The following KIF1C variants were observed in gnomAD, a reference collection of about 807,000 sequenced individuals.
The protein encoded by KIF1C is kinesin-like protein KIF1C.
In KIF1C, 61 loss-of-function variants were observed where a neutral mutation model predicts 126.5. The observed-to-expected ratio is 0.48, with a 90% confidence interval of 0.39 to 0.60. The LOEUF (loss-of-function observed/expected upper bound fraction) is 0.60. KIF1C is among the 20% of genes least tolerant of loss of function. KIF1C has a pLI of 0.00. For synonymous variants in KIF1C, 640 were observed against 580.6 expected, an observed-to-expected ratio of 1.10 and a Z score of -1.47; for missense variants, 1,315 against 1,489.2, an observed-to-expected ratio of 0.88 and a Z score of 1.93.
At position 5,023,665 on chromosome 17, in the gene KIF1C, C is replaced by T. The variant is rs760202086; in HGVS notation, c.2826C>T (p.Leu942=). The change falls in exon 23 of 23, where the codon CTC becomes CTT. Residue 942 remains leucine, a synonymous_variant. Transcript: ENST00000320785. The surrounding 1 kb of genome is among the most constrained non-coding windows in gnomAD (Gnocchi z 4.2). The part of the protein sequence containing the change: ...PAFRRGRLRW[L]KQEQLRLQGL... ...TCCGTCGTGGTCGTCTTCGCTGGCTCAAGCAGGAGCAGCTACGGCTGCAGG... is the reference window on the plus strand; with the variant it reads ...TCCGTCGTGGTCGTCTTCGCTGGCTTAAGCAGGAGCAGCTACGGCTGCAGG... 4 of 1,609,736 alleles carry T rather than the reference C, an allele frequency of 2.5e-6. No individual in the cohort carries two copies. The highest frequency in any genetic ancestry group is 1.3e-5 in the African/African-American group (1 of 74,880).
rs185753135 is a variant in KIF1C at position 5,009,545 on chromosome 17, T to C, written c.1491+2003T>C. Among the ~76,000 whole-genome samples, 590 of 151,746 alleles carry C rather than the reference T, an allele frequency of 3.9e-3. 3 individuals carry two copies. Among genetic ancestry groups the C allele is most frequent in the Middle Eastern group, 6.8e-3 (2 of 294 alleles). ...GGCTCACACCTGTAATCCTAGCACTTTGGGAGGCCAAGGCGGGTGGATCAC... is the reference window on the plus strand; with the variant it reads ...GGCTCACACCTGTAATCCTAGCACTCTGGGAGGCCAAGGCGGGTGGATCAC... On this transcript the variant is annotated intron_variant, in intron 16 of 22. Coordinates refer to ENST00000320785, the MANE Select transcript of KIF1C (RefSeq NM_006612.6).
chr17:5,000,651 GAA>G, intron 3 of KIF1C, 119 bp from the exon 4 acceptor site: 2 of 933,654 alleles, frequency 2.1e-6, no homozygotes, highest in East Asian at 2.4e-5. Context: ...AAAGGGGAGA[GAA>G]GAGTCAGGAC....
At position 5,007,353 on chromosome 17, in the gene KIF1C, C is replaced by T. The variant is rs764960870; in HGVS notation, c.1415+11C>T. On this transcript the variant is annotated intron_variant, in intron 15 of 22. Transcript: ENST00000320785. ...CCTGAGGATGGAGAGGTGTGAGGGC[C>T]GACAGTTGGGGTCCTGGGTGGAGTT... 57 of 1,613,108 alleles carry T rather than the reference C, an allele frequency of 3.5e-5. No individual in the cohort carries two copies. In the South Asian group the frequency reaches 5.3e-4, roughly 15 times the overall value.
intron 18 of KIF1C, among the ~76,000 whole-genome samples, chr17:5,016,891 G>A (rs1974982297): frequency 6.7e-6 from 1 of 148,540 alleles, no homozygotes; most frequent in African/African-American, 2.5e-5. Flanking sequence ...GGGTGACAGA[G>A]TGAGACTGTT....
At chr17:5,018,239 C>T (rs1238242663) in intron 18 of KIF1C, among the ~76,000 whole-genome samples, 1 of 152,140 alleles carries the variant, frequency 6.6e-6, no homozygotes, top group Non-Finnish European at 1.5e-5. Flanking sequence ...CCTCGGCCTC[C>T]CAAAGTGCTG....
Position 5,002,092 on chromosome 17 carries a change from A to G in KIF1C, c.397A>G (p.Asn133Asp). The change falls in exon 6 of 23, where the codon AAC (asparagine) becomes GAC (aspartate). Residue 133 changes from asparagine (N) to aspartate (D), a missense_variant. Physicochemically the swap from Asn to Asp is conservative, Grantham distance 23. Around this residue, in one of 2 missense-constraint regions of KIF1C, gnomAD observed 874 missense variants for 1,053.2 expected, o/e 0.83. Transcript: ENST00000320785. ...CEDLFSRVSENQSAQLSYSVE... is the reference protein window; with the variant it reads ...CEDLFSRVSEDQSAQLSYSVE... ...GGACCTCTTCTCTCGCGTTAGTGAGAACCAGAGTGCTCAGCTATCCTACTC... is the reference window on the plus strand; with the variant it reads ...GGACCTCTTCTCTCGCGTTAGTGAGGACCAGAGTGCTCAGCTATCCTACTC... 6.2e-7 allele frequency: 1 copy of G among 1,613,986 alleles called. No homozygotes were observed. Among genetic ancestry groups the G allele is most frequent in the Non-Finnish European group, 8.5e-7 (1 of 1,179,978 alleles).
At chr17:5,002,205 TA>T in intron 6 of KIF1C, 81 bp downstream of exon 6, 1 of 1,306,800 alleles carries the variant, frequency 7.7e-7, no homozygotes, top group Non-Finnish European at 1.1e-6. Context: ...GCCTGGGATC[TA>T]ATCCTGGCTC....
At position 5,023,844 on chromosome 17, in the gene KIF1C, C is replaced by T. The variant is rs143987985; in HGVS notation, c.3005C>T (p.Pro1002Leu). The T allele has an allele frequency of 1.4e-4, 220 of 1,519,042 alleles. 1 individual carries two copies. Among genetic ancestry groups the T allele is most frequent in the South Asian group, 5.0e-4 (38 of 75,762 alleles). 94.1% of individuals were successfully genotyped at this position (1,519,042 alleles called of 1,614,324 possible). A position where few individuals can be genotyped will look rare whatever the true frequency, so the allele number is the denominator to read the frequency against. Residue 1002 changes from proline to leucine, a missense_variant, in exon 23 of 23, where the codon CCG becomes CTG. Coordinates refer to ENST00000320785, the MANE Select transcript of KIF1C (RefSeq NM_006612.6). This position sits in a 1 kb window ranked among gnomAD's most constrained non-coding sequence, Gnocchi z 4.2. ...PGMGSGEAPT[P>L]LQPPEEVTPH... ...ATGGGGAGCGGGGAGGCTCCAACTC[C>T]GCTCCAACCCCCTGAGGAGGTCACT...
At chr17:5,002,181 G>A (rs2143311751) in intron 6 of KIF1C, 57 bp downstream of exon 6, 6 of 1,472,648 alleles carry the variant, frequency 4.1e-6, no homozygotes, top group East Asian at 2.3e-5. Flanking sequence ...GAGGGCTGTC[G>A]CTGGAATCAG....
intron 12 of KIF1C, 38 bp from the exon 13 acceptor site, chr17:5,004,817 C>T (rs1226956532): frequency 6.2e-7 from 1 of 1,613,174 alleles, no homozygotes; most frequent in Non-Finnish European, 8.5e-7. Flanking sequence ...GGGTCCCCTG[C>T]CCCCAGGCCT....
intron 18 of KIF1C, among the ~76,000 whole-genome samples, chr17:5,015,290 T>C (rs1974948972): frequency 6.7e-6 from 1 of 148,504 alleles, no homozygotes; most frequent in South Asian, 2.1e-4. Context: ...TTTCTTTTTC[T>C]TTTTTTTTTG....
Position 5,004,986 on chromosome 17 carries a change from C to T in KIF1C, c.1151C>T (p.Ala384Val), listed in dbSNP as rs368324220. 6.2e-7 allele frequency: 1 copy of T among 1,614,240 alleles called. No individual in the cohort carries two copies. The highest frequency in any genetic ancestry group is 1.3e-5 in the African/African-American group (1 of 75,070). Residue 384 changes from alanine to valine, a missense_variant, in exon 13 of 23, where the codon GCC becomes GTC. Ala to Val is a moderately conservative substitution (Grantham distance 64). Around this residue, in one of 2 missense-constraint regions of KIF1C, gnomAD observed 874 missense variants for 1,053.2 expected, o/e 0.83. Transcript: ENST00000320785. ...CTGCTGATGGCTCAGGGACTGTCAG[C>T]CTCTGCTCTGGAAGGTCGAGGTTCC... is the stretch of plus-strand genomic sequence containing the variant. ...RELLMAQGLSASALEGLKTEE... is the reference protein window; with the variant it reads ...RELLMAQGLSVSALEGLKTEE...
At chr17:5,021,634 C>G (rs942676051) in intron 21 of KIF1C, among the ~76,000 whole-genome samples, 2 of 152,072 alleles carry the variant, frequency 1.3e-5, no homozygotes, top group Non-Finnish European at 2.9e-5. Context: ...GTGTGCACTT[C>G]CATGCCTGGC....
rs748307324 is a variant in KIF1C at position 5,002,754 on chromosome 17, A to G, written c.632A>G (p.Asn211Ser). The G allele has an allele frequency of 1.9e-6, 3 of 1,613,892 alleles. No individual in the cohort carries two copies. In the South Asian group the frequency reaches 3.3e-5, roughly 18 times the overall value. The change falls in exon 8 of 23, where the codon AAT becomes AGT. Residue 211 changes from asparagine to serine, a missense_variant. Asn to Ser is a conservative substitution (Grantham distance 46). Around this residue, in one of 2 missense-constraint regions of KIF1C, gnomAD observed 874 missense variants for 1,053.2 expected, o/e 0.83. Coordinates refer to ENST00000320785, the MANE Select transcript of KIF1C (RefSeq NM_006612.6). Reference protein sequence around the residue: ...KARTVAATNMNETSSRSHAVF... With the variant: ...KARTVAATNMSETSSRSHAVF... ...AGGACTGTGGCTGCCACCAACATGAATGAGACCAGCAGCCGTTCCCATGCC... is the reference window on the plus strand; with the variant it reads ...AGGACTGTGGCTGCCACCAACATGAGTGAGACCAGCAGCCGTTCCCATGCC...
Position 5,020,634 on chromosome 17 carries a change from G to C in KIF1C, c.1893G>C (p.Leu631=). ...PVDWNFAQKE[L]LEQQGIDIKL... ...ACTGGAACTTTGCCCAGAAGGAACT[G>C]CTGGAGCAGCAAGGCATCGACATAA... The change falls in exon 20 of 23, where the codon CTG becomes CTC. Residue 631 remains leucine, a synonymous_variant. Coordinates refer to ENST00000320785, the MANE Select transcript of KIF1C (RefSeq NM_006612.6). This position sits in a 1 kb window ranked among gnomAD's most constrained non-coding sequence, Gnocchi z 5.8. 1 of 1,614,234 alleles carries C rather than the reference G, an allele frequency of 6.2e-7. No homozygotes were observed.
intron 21 of KIF1C, among the ~76,000 whole-genome samples, chr17:5,021,806 T>TAAAAGA (rs1975095830): frequency 1.3e-5 from 2 of 151,968 alleles, no homozygotes; most frequent in Admixed American, 6.6e-5. Context: ...TGCACAAAGT[T>TAAAAGA]CCACACTCGA....
In KIF1C at chr17:5,002,734, T is replaced by C. The variant is rs768995850; in HGVS notation, c.612T>C (p.Thr204=). 8.7e-6 allele frequency: 14 copies of C among 1,613,994 alleles called. No individual in the cohort carries two copies. In the South Asian group the frequency reaches 8.8e-5, roughly 10 times the overall value. ...TGACTGCTTTCTTTACCCTAAGGAC[T>C]GTGGCTGCCACCAACATGAATGAGA... ...DLMDCGNKAR[T]VAATNMNETS... The change falls in exon 8 of 23, where the codon ACT becomes ACC. Residue 204 remains threonine (T), a synonymous_variant. Coordinates refer to ENST00000320785, the MANE Select transcript of KIF1C (RefSeq NM_006612.6).
At chr17:5,008,326 G>C (rs72838332) in intron 16 of KIF1C, among the ~76,000 whole-genome samples, 12,467 of 152,208 alleles carry the variant, frequency 0.082, 671 homozygotes, top group Middle Eastern at 0.12. Context: ...CAGCACCGCT[G>C]TACCGGTGCA....
chr17:5,013,063 G>T (rs758868611), intron 16 of KIF1C, among the ~76,000 whole-genome samples: 2 of 152,148 alleles, frequency 1.3e-5, no homozygotes, highest in Non-Finnish European at 2.9e-5. Context: ...AGTCTGCTTC[G>T]AGAAACATGT....
Sources: allele counts gnomAD v4.1 joint callset (sites outside exome capture counted in the v4.1 genomes callset), GRCh38; gene constraint gnomAD v4.1.1; regional missense constraint gnomAD v4.1.1; non-coding constraint Gnocchi (gnomAD v3.1); transcripts MANE v1.5; gene names NCBI Gene and HGNC (gene_info 2026-07-23, HGNC 2026-07-21).